Variants in NOL4L observed in about 807,000 individuals in gnomAD.
NOL4L encodes the protein nucleolar protein 4 like, also known as nucleolar protein 4-like.
Under a neutral mutation model 64.5 loss-of-function variants are expected in NOL4L, and 7 were observed. The ratio of observed to expected loss-of-function variants is 0.11; its 90% CI spans 0.06 to 0.20. The LOEUF (loss-of-function observed/expected upper bound fraction) is 0.20, where lower values mean the gene tolerates loss of function less well. Among genes scored for constraint, NOL4L ranks in the 10% least tolerant of loss-of-function variants. The probability of loss-of-function intolerance (pLI) is 1.00; values close to 1 mark genes in which losing one functional copy is unlikely to be tolerated. For synonymous variants in NOL4L, 413 were observed against 401.0 expected, an observed-to-expected ratio of 1.03 and a Z score of -0.36; for missense variants, 680 against 967.1, an observed-to-expected ratio of 0.70 and a Z score of 3.94.
intron 5 of NOL4L, among the ~76,000 whole-genome samples, chr20:32,467,899 T>C (rs760687272): frequency 4.6e-5 from 7 of 152,142 alleles, no homozygotes; most frequent in Non-Finnish European, 1.0e-4. Context: ...CCAACAGCAC[T>C]GCTGCTGTAA....
intron 3 of NOL4L, among the ~76,000 whole-genome samples, chr20:32,514,361 G>T (rs775065822): frequency 6.6e-6 from 1 of 151,950 alleles, no homozygotes; most frequent in Admixed American, 6.6e-5. Flanking sequence ...GCATGGTGGC[G>T]CATGCCTGTA....
chr20:32,570,441 G>A (rs1979684483), intron 1 of NOL4L, among the ~76,000 whole-genome samples: 1 of 152,198 alleles, frequency 6.6e-6, no homozygotes, highest in African/African-American at 2.4e-5. Context: ...TACCCCAAAG[G>A]GGCAGCGGAG....
Position 32,488,733 on chromosome 20 carries a change from T to TTTTC in NOL4L, c.700-13995_700-13992dup, listed in dbSNP as rs954494339. Among the ~76,000 whole-genome samples the TTTTC allele has an allele frequency of 5.9e-3, 881 of 149,636 alleles. 13 individuals are homozygous for TTTTC. Among genetic ancestry groups the TTTTC allele is most frequent in the African/African-American group, 0.017 (662 of 39,802 alleles). Reference sequence around the variant, plus strand: ...ACTTGTATTTCTTTTTCTTTCTTTCTTTTCTTTCTTTCTTTTCCTTCCTTC... The same window carrying TTTTC: ...ACTTGTATTTCTTTTTCTTTCTTTCTTTTCTTTCTTTCTTTCTTTTCCTTCCTTC... On this transcript the variant is annotated intron_variant, in intron 4 of 10. Transcript: ENST00000621426.
intron 1 of NOL4L, among the ~76,000 whole-genome samples, chr20:32,538,836 G>T (rs2018603606): frequency 6.6e-6 from 1 of 152,238 alleles, no homozygotes; most frequent in African/African-American, 2.4e-5. Context: ...CTGTCTGGAG[G>T]AGGGCAGGGG....
chr20:32,474,551 G>A (rs367632009), intron 5 of NOL4L, 50 bp downstream of exon 5: 13 of 1,572,512 alleles, frequency 8.3e-6, no homozygotes, highest in Non-Finnish European at 1.1e-5. Context: ...ACAACTGGGA[G>A]CAGGGGGCCG....
intron 1 of NOL4L, among the ~76,000 whole-genome samples, chr20:32,551,848 G>A (rs1054997058): frequency 3.3e-5 from 5 of 152,158 alleles, no homozygotes; most frequent in Non-Finnish European, 5.9e-5. Context: ...GAATGCAGTG[G>A]TGTAATCATA....
chr20:32,484,013 G>C (rs189230822), intron 4 of NOL4L, among the ~76,000 whole-genome samples: 1,705 of 151,704 alleles, frequency 0.011, 40 homozygotes, highest in African/African-American at 0.039. Context: ...CATCGCTCCC[G>C]GAGGCTGCGG....
chr20:32,480,518 C>T (rs914888859), intron 4 of NOL4L, among the ~76,000 whole-genome samples: 1 of 152,194 alleles, frequency 6.6e-6, no homozygotes, highest in East Asian at 1.9e-4. Context: ...AGCGGAGTCT[C>T]TTCTCAACCC....
intron 3 of NOL4L, among the ~76,000 whole-genome samples, chr20:32,514,419 G>A (rs888655582): frequency 3.4e-4 from 52 of 152,078 alleles, no homozygotes; most frequent in African/African-American, 1.1e-3. Flanking sequence ...TGGAACCCGG[G>A]AGGTGGAGGT....
chr20:32,476,497 T>G (rs1219502677), intron 4 of NOL4L, among the ~76,000 whole-genome samples: 2 of 152,254 alleles, frequency 1.3e-5, no homozygotes, highest in African/African-American at 4.8e-5. Flanking sequence ...TGCCATGCTC[T>G]GGGTTTGACC....
chr20:32,582,358 C>A (rs1388044400), intron 1 of NOL4L, among the ~76,000 whole-genome samples: 1 of 152,118 alleles, frequency 6.6e-6, no homozygotes, highest in African/African-American at 2.4e-5. Flanking sequence ...CAGGGGCAGG[C>A]AGAGCGGGTC....
At chr20:32,561,682 T>C (rs907666415) in intron 1 of NOL4L, among the ~76,000 whole-genome samples, 1 of 152,184 alleles carries the variant, frequency 6.6e-6, no homozygotes, top group Non-Finnish European at 1.5e-5. Context: ...CAGTGAGGAC[T>C]CTGGGGTCAC....
chr20:32,453,525 G>T lies in NOL4L; in HGVS notation c.1306-30C>A, dbSNP rs752803926. On this transcript the variant is annotated intron_variant, in intron 7 of 10. Transcript: ENST00000621426. This position sits in a 1 kb window ranked among gnomAD's most constrained non-coding sequence, Gnocchi z 5.6. ...GGAGACACGGGCCATGGGAAGGGCT[G>T]GCCCTGGCCTTGCCCCCATCCCACC... 6.2e-7 allele frequency: 1 copy of T among 1,613,424 alleles called. No homozygotes were observed. Among genetic ancestry groups the T allele is most frequent in the Admixed American group, 1.7e-5 (1 of 60,012 alleles).
At chr20:32,562,268 CT>C (rs937361224) in intron 1 of NOL4L, among the ~76,000 whole-genome samples, 12 of 152,196 alleles carry the variant, frequency 7.9e-5, no homozygotes, top group Non-Finnish European at 1.3e-4. Context: ...GCCCATCAGG[CT>C]TCCGGCTTCA....
rs1222140324 is a variant in NOL4L, at chr20:32,444,746, T to C, written c.*2850A>G. 1 of 152,204 alleles carries C rather than the reference T, an allele frequency of 6.6e-6. No homozygotes were observed. Among genetic ancestry groups the C allele is most frequent in the Non-Finnish European group, 1.5e-5 (1 of 68,038 alleles). The allele number at this position is 152,204 out of a possible 1,614,324, so 9.4% of individuals were successfully genotyped here. A position where few individuals can be genotyped will look rare whatever the true frequency, so the allele number is the denominator to read the frequency against. On this transcript the variant is annotated 3_prime_UTR_variant, in exon 11 of 11. Transcript: ENST00000621426. ...CTTGCATTTCCTTTTTAACTTAGGA[T>C]CCCAAATGATCACTTTGTGCCCTGA...
chr20:32,475,678 C>T (rs2015346200), intron 4 of NOL4L, among the ~76,000 whole-genome samples: 1 of 152,254 alleles, frequency 6.6e-6, no homozygotes, highest in African/African-American at 2.4e-5. Context: ...GCAGCTCCCA[C>T]ACCCGGAGTT....
rs756767332 is a variant in NOL4L at position 32,452,364 on chromosome 20, G to A, written c.1694C>T (p.Pro565Leu). The A allele has an allele frequency of 1.2e-6, 2 of 1,612,716 alleles. No homozygotes were observed. Among genetic ancestry groups the A allele is most frequent in the Non-Finnish European group, 1.7e-6 (2 of 1,179,272 alleles). ...AGGGTCCTGGGAGTAGGAGGAGGCTGGCAGTGAGTAGGTGGAGTGGGTGAT... is the reference window on the plus strand; with the variant it reads ...AGGGTCCTGGGAGTAGGAGGAGGCTAGCAGTGAGTAGGTGGAGTGGGTGAT... ...AAITHSTYSLPASSYSQDPVY... is the reference protein window; with the variant it reads ...AAITHSTYSLLASSYSQDPVY... The change falls in exon 10 of 11, where the codon CCA becomes CTA. Residue 565 changes from proline (P) to leucine (L), a missense_variant. By Grantham distance (98) the Pro-to-Leu change is moderately conservative. This residue lies in a region of NOL4L where 175 missense variants were observed against 227.0 expected (regional missense o/e 0.77). Coordinates refer to ENST00000621426, the MANE Select transcript of NOL4L (RefSeq NM_001256798.2).
intron 4 of NOL4L, among the ~76,000 whole-genome samples, chr20:32,477,534 T>C (rs2015470199): frequency 1.3e-5 from 2 of 152,250 alleles, no homozygotes; most frequent in South Asian, 4.1e-4. Flanking sequence ...AGACTGTATG[T>C]CCTCTGAATC....
chr20:32,547,060 T>C (rs751633758), intron 1 of NOL4L, among the ~76,000 whole-genome samples: 4 of 152,212 alleles, frequency 2.6e-5, no homozygotes, highest in Admixed American at 6.5e-5. Flanking sequence ...GCCACTGCCT[T>C]CCTTCTCTGT....
Sources: gnomAD v4.1 joint callset for allele counts (sites outside exome capture counted in the v4.1 genomes callset) on GRCh38, gnomAD v4.1.1 for gene constraint, gnomAD v4.1.1 regional missense constraint, Gnocchi (gnomAD v3.1) non-coding constraint, MANE v1.5 for transcripts, NCBI Gene and HGNC (gene_info 2026-07-23, HGNC 2026-07-21) for gene names.